CCDC138: variants seen among roughly 807,000 people sequenced by gnomAD.
CCDC138 encodes coiled-coil domain containing 138.
Under a neutral mutation model 82.3 loss-of-function variants are expected in CCDC138, and 66 were observed. That is an observed-to-expected ratio of 0.80 (90% CI 0.66 to 0.98). CCDC138 has a LOEUF of 0.98. CCDC138 is among the 50% of genes least tolerant of loss of function. The probability of loss-of-function intolerance (pLI) is 0.00; values close to 1 mark genes in which losing one functional copy is unlikely to be tolerated. For missense variants in CCDC138, 816 were observed against 758.9 expected (o/e 1.08, Z -0.88); for synonymous variants, 297 against 265.4 (o/e 1.12, Z -1.16).
intron 10 of CCDC138, among the ~76,000 whole-genome samples, chr2:108,830,672 G>C (rs1687412096): frequency 2.0e-5 from 3 of 152,004 alleles, no homozygotes; most frequent in Admixed American, 2.0e-4. Context: ...GCTGGGTGTT[G>C]TGGTGGGCAC....
At chr2:108,813,999 A>G (rs924187171) in intron 9 of CCDC138, among the ~76,000 whole-genome samples, 1 of 152,158 alleles carries the variant, frequency 6.6e-6, no homozygotes, top group African/African-American at 2.4e-5. Context: ...CTGTTGATAG[A>G]CACCTGGGCT....
At chr2:108,816,198 C>A in intron 10 of CCDC138, 93 bp downstream of exon 10, 1 of 947,686 alleles carries the variant, frequency 1.1e-6, no homozygotes, top group Non-Finnish European at 1.6e-6. Flanking sequence ...CGTCTATAAT[C>A]CCATCACTTT....
chr2:108,853,897 ATATTATATAT>A (rs1213491210), intron 12 of CCDC138, among the ~76,000 whole-genome samples: 2 of 119,862 alleles, frequency 1.7e-5, no homozygotes, highest in African/African-American at 7.2e-5. Flanking sequence ...TATAGTATAT[ATATTATATAT>A]TATATAGTAT....
At chr2:108,861,293 C>T (rs1055926905) in intron 13 of CCDC138, among the ~76,000 whole-genome samples, 2 of 151,486 alleles carry the variant, frequency 1.3e-5, no homozygotes, top group South Asian at 4.2e-4. Context: ...TTCATTTCGT[C>T]GATCCTTATA....
At chr2:108,845,223 T>C (rs1439540379) in intron 11 of CCDC138, among the ~76,000 whole-genome samples, 4 of 152,226 alleles carry the variant, frequency 2.6e-5, no homozygotes. Flanking sequence ...ATGTATTTTT[T>C]TTCTAATAAT....
At chr2:108,853,564 T>C (rs1034376579) in intron 12 of CCDC138, among the ~76,000 whole-genome samples, 1 of 150,604 alleles carries the variant, frequency 6.6e-6, no homozygotes, top group Non-Finnish European at 1.5e-5. Context: ...TCTCACGCTA[T>C]CACTCAGGCT....
At chr2:108,790,995 C>G (rs1485037588) in intron 3 of CCDC138, among the ~76,000 whole-genome samples, 1 of 152,036 alleles carries the variant, frequency 6.6e-6, no homozygotes, top group Non-Finnish European at 1.5e-5. Context: ...CTCCTGGGCT[C>G]AAGAGATACT....
At chr2:108,794,421 C>G in intron 4 of CCDC138, 119 bp from the exon 5 acceptor site, 1 of 967,970 alleles carries the variant, frequency 1.0e-6, no homozygotes, top group Non-Finnish European at 1.5e-6. Flanking sequence ...CTTTGTCTCT[C>G]TTGAAACTTT....
chr2:108,853,840 A>T (rs1351337593), intron 12 of CCDC138, among the ~76,000 whole-genome samples: 1 of 133,694 alleles, frequency 7.5e-6, no homozygotes, highest in Non-Finnish European at 1.5e-5. Flanking sequence ...TTCTATATGC[A>T]ATATATATAT....
chr2:108,849,391 C>G (rs146702524), intron 12 of CCDC138, among the ~76,000 whole-genome samples: 3 of 152,294 alleles, frequency 2.0e-5, no homozygotes, highest in Non-Finnish European at 4.4e-5. Flanking sequence ...CTCCTATTCC[C>G]TTTTCCTTAG....
chr2:108,871,462 G>T (rs1192757398), intron 13 of CCDC138, among the ~76,000 whole-genome samples: 1 of 151,176 alleles, frequency 6.6e-6, no homozygotes, highest in Non-Finnish European at 1.5e-5. Flanking sequence ...CAAGGCAGGA[G>T]AATCCCTTGA....
At chr2:108,808,044 A>G (rs144905898) in intron 7 of CCDC138, among the ~76,000 whole-genome samples, 100 of 152,314 alleles carry the variant, frequency 6.6e-4, no homozygotes, top group African/African-American at 2.2e-3. Context: ...TAGCTTCCAC[A>G]TGAGTAAGAA....
At chr2:108,831,883 C>T (rs1687746411) in intron 10 of CCDC138, among the ~76,000 whole-genome samples, 2 of 151,938 alleles carry the variant, frequency 1.3e-5, no homozygotes, top group Non-Finnish European at 2.9e-5. Context: ...CAGGCACTGG[C>T]CACCATGCCT....
chr2:108,814,724 A>G (rs1023889140), intron 9 of CCDC138, among the ~76,000 whole-genome samples: 2 of 146,968 alleles, frequency 1.4e-5, no homozygotes, highest in African/African-American at 5.0e-5. Flanking sequence ...GCTGGAGTGC[A>G]GTGGTGCAAC....
chr2:108,826,930 C>T (rs75568816), intron 10 of CCDC138, among the ~76,000 whole-genome samples: 1,926 of 152,242 alleles, frequency 0.013, 50 homozygotes, highest in African/African-American at 0.045. Context: ...TATATTTTCT[C>T]GTTTTCAGGG....
At chr2:108,848,490 G>A (rs6705209) in intron 12 of CCDC138, among the ~76,000 whole-genome samples, 17 of 152,318 alleles carry the variant, frequency 1.1e-4, no homozygotes, top group African/African-American at 2.6e-4. Flanking sequence ...ATAGGTTGAT[G>A]AAGATTATTG....
chr2:108,786,877 A>C lies in CCDC138; in HGVS notation c.55A>C (p.Lys19Gln). 1 of 1,574,256 alleles carries C rather than the reference A, an allele frequency of 6.4e-7. No individual in the cohort carries two copies. Among genetic ancestry groups the C allele is most frequent in the Non-Finnish European group, 8.6e-7 (1 of 1,162,868 alleles). The change falls in exon 1 of 15, where the codon AAA (lysine) becomes CAA (glutamine). Residue 19 changes from lysine (K) to glutamine (Q), a missense_variant. Transcript: ENST00000295124. ...GCAGGATTTAGTAGTGGAGAGTCTC[A>C]AAAGCCGCTACGGACTCGGGGGCAG... ...PGQDLVVESLKSRYGLGGSCP... is the reference protein window; with the variant it reads ...PGQDLVVESLQSRYGLGGSCP...
At chr2:108,841,770 T>A in intron 11 of CCDC138, among the ~76,000 whole-genome samples, 1 of 152,186 alleles carries the variant, frequency 6.6e-6, no homozygotes, top group East Asian at 1.9e-4. Context: ...GCTGTAACTT[T>A]ATTTTTTTAA....
downstream of CCDC138, among the ~76,000 whole-genome samples, chr2:108,877,917 T>C (rs376617522): frequency 6.6e-6 from 1 of 152,196 alleles, no homozygotes. Flanking sequence ...ACTAGCCTTA[T>C]AGAATGCTGG....
Sources: allele counts gnomAD v4.1 joint callset (sites outside exome capture counted in the v4.1 genomes callset), GRCh38; gene constraint gnomAD v4.1.1; transcripts MANE v1.5; gene names NCBI Gene and HGNC (gene_info 2026-07-23, HGNC 2026-07-21).